Variants in JAK2 observed in about 807,000 individuals in gnomAD.
The protein encoded by JAK2 is Janus kinase 2, also known as tyrosine-protein kinase JAK2.
In JAK2, 86 loss-of-function variants were observed where a neutral mutation model predicts 139.3. That is an observed-to-expected ratio of 0.62 (90% CI 0.52 to 0.74). JAK2 has a LOEUF of 0.74. Among genes scored for constraint, JAK2 ranks in the 30% least tolerant of loss-of-function variants. The probability of loss-of-function intolerance (pLI) is 0.00; values close to 1 mark genes in which losing one functional copy is unlikely to be tolerated. For missense variants in JAK2, 1,421 were observed against 1,360.3 expected (o/e 1.04, Z -0.70); for synonymous variants, 490 against 437.7 (o/e 1.12, Z -1.49).
intron 14 of JAK2, among the ~76,000 whole-genome samples, chr9:5,077,228 T>G (rs988973119): frequency 1.3e-5 from 2 of 150,006 alleles, no homozygotes; most frequent in African/African-American, 4.9e-5. Context: ...TTATGTTATA[T>G]ATAATAATAT....
intron 3 of JAK2, among the ~76,000 whole-genome samples, chr9:5,025,699 A>C (rs185743854): frequency 7.1e-4 from 108 of 151,844 alleles, no homozygotes; most frequent in Non-Finnish European, 8.1e-4. Flanking sequence ...CACCCAGCTA[A>C]TTTTTGTATT....
chr9:5,031,293 G>A (rs1479336315), intron 4 of JAK2, among the ~76,000 whole-genome samples: 4 of 152,114 alleles, frequency 2.6e-5, no homozygotes, highest in Non-Finnish European at 5.9e-5. Flanking sequence ...TTTGTCCCAG[G>A]AGATATTTTC....
chr9:5,059,976 C>T (rs1331986187), intron 8 of JAK2, among the ~76,000 whole-genome samples: 2 of 152,038 alleles, frequency 1.3e-5, no homozygotes, highest in Non-Finnish European at 2.9e-5. Flanking sequence ...AGACATACGT[C>T]AGAGATATTT....
Position 5,081,871 on chromosome 9 carries a change from C to A in JAK2, c.2571+10C>A. Reference sequence around the variant, plus strand: ...ACAGCAACTTGGCAAGGTAAATTGTCAGAATTTTTTCAAATAGAGTATAAT... The same window carrying A: ...ACAGCAACTTGGCAAGGTAAATTGTAAGAATTTTTTCAAATAGAGTATAAT... On this transcript the variant is annotated intron_variant, in intron 19 of 24. Transcript: ENST00000381652. 1.2e-6 allele frequency: 2 copies of A among 1,606,444 alleles called. No individual in the cohort carries two copies. The highest frequency in any genetic ancestry group is 1.1e-5 in the South Asian group (1 of 90,486).
chr9:4,994,047 G>C (rs1037738942), intron 2 of JAK2, among the ~76,000 whole-genome samples: 1 of 152,186 alleles, frequency 6.6e-6, no homozygotes, highest in South Asian at 2.1e-4. Context: ...CTAGCCACTC[G>C]TGACTGAACT....
intron 2 of JAK2, among the ~76,000 whole-genome samples, chr9:5,011,273 A>G (rs1347506937): frequency 6.6e-6 from 1 of 151,708 alleles, no homozygotes; most frequent in Non-Finnish European, 1.5e-5. Context: ...GCAGCCTCAA[A>G]CTCCTGAGCG....
At chr9:5,068,920 G>T in intron 10 of JAK2, 102 bp from the exon 11 acceptor site, 1 of 681,486 alleles carries the variant, frequency 1.5e-6, no homozygotes. Flanking sequence ...TGGTTCAAAT[G>T]TTTATTCTGT....
chr9:5,048,399 C>T (rs1004654328), intron 5 of JAK2, among the ~76,000 whole-genome samples: 2 of 152,140 alleles, frequency 1.3e-5, no homozygotes, highest in African/African-American at 2.4e-5. Flanking sequence ...CCTTGGCCTT[C>T]TAAAGTGCTG....
intron 2 of JAK2, among the ~76,000 whole-genome samples, chr9:4,994,875 AT>A (rs1046719909): frequency 6.6e-6 from 1 of 152,140 alleles, no homozygotes; most frequent in Non-Finnish European, 1.5e-5. Flanking sequence ...AAAATTATCT[AT>A]TTTTTGAACA....
At position 5,090,540 on chromosome 9, in the gene JAK2, A is replaced by G. The variant is rs1159790578; in HGVS notation, c.2856A>G (p.Lys952=). Residue 952 remains lysine, a synonymous_variant, in exon 21 of 25, where the codon AAA becomes AAG. Coordinates refer to ENST00000381652, the MANE Select transcript of JAK2 (RefSeq NM_004972.4). ...QKHKERIDHI[K]LLQYTSQICK... is the part of the protein sequence containing the mutation. ...ATAAAGAACGGATAGATCACATAAA[A>G]CTTCTGCAGTACACATCTCAGATAT... 1 of 1,595,534 alleles carries G rather than the reference A, an allele frequency of 6.3e-7. No homozygotes were observed. Among genetic ancestry groups the G allele is most frequent in the Non-Finnish European group, 8.5e-7 (1 of 1,170,890 alleles).
At chr9:5,044,999 C>G (rs545483468) in intron 5 of JAK2, among the ~76,000 whole-genome samples, 1 of 152,298 alleles carries the variant, frequency 6.6e-6, no homozygotes, top group East Asian at 1.9e-4. Flanking sequence ...GATGTTGATA[C>G]TTAGTCTAAG....
intron 16 of JAK2, among the ~76,000 whole-genome samples, chr9:5,078,979 A>G (rs755348503): frequency 6.6e-6 from 1 of 152,226 alleles, no homozygotes; most frequent in Non-Finnish European, 1.5e-5. Context: ...TTGGGTCTAG[A>G]TAATTATAAC....
At chr9:5,112,451 A>T (rs183058279) in intron 22 of JAK2, 6 of 534,840 alleles carry the variant, frequency 1.1e-5, no homozygotes, top group African/African-American at 9.9e-5. Context: ...GAGAAGAAGG[A>T]GCTGAAGGAC....
At chr9:5,089,905 G>A (rs757692211) in intron 20 of JAK2, 42 bp downstream of exon 20, 1 of 1,330,336 alleles carries the variant, frequency 7.5e-7, no homozygotes. Context: ...CAAGGTATGT[G>A]TTTGGCATCC....
intron 7 of JAK2, among the ~76,000 whole-genome samples, chr9:5,055,313 G>A (rs1186865766): frequency 6.6e-6 from 1 of 151,932 alleles, no homozygotes; most frequent in African/African-American, 2.4e-5. Flanking sequence ...TAATATCCGT[G>A]TTGTTCATAG....
chr9:5,093,782 C>T (rs907369554), intron 22 of JAK2, among the ~76,000 whole-genome samples: 2 of 152,138 alleles, frequency 1.3e-5, no homozygotes, highest in African/African-American at 4.8e-5. Context: ...GGTTTACGAC[C>T]TCGATGTTGG....
chr9:5,120,492 G>T (rs778075085), intron 22 of JAK2, among the ~76,000 whole-genome samples: 1 of 152,122 alleles, frequency 6.6e-6, no homozygotes, highest in East Asian at 1.9e-4. Flanking sequence ...GTTCGAAAAG[G>T]CTCTTTTGTT....
intron 2 of JAK2, among the ~76,000 whole-genome samples, chr9:5,014,004 AT>A (rs1302076000): frequency 1.3e-5 from 2 of 152,092 alleles, no homozygotes; most frequent in Non-Finnish European, 2.9e-5. Context: ...TTACTTCTTC[AT>A]GTATATTTAT....
intron 4 of JAK2, among the ~76,000 whole-genome samples, chr9:5,037,478 C>A (rs941725633): frequency 4.0e-4 from 61 of 152,272 alleles, no homozygotes; most frequent in African/African-American, 1.4e-3. Flanking sequence ...CAATGATAGA[C>A]TGGATTAAGA....
Sources: gnomAD v4.1 joint callset for allele counts (sites outside exome capture counted in the v4.1 genomes callset) on GRCh38, gnomAD v4.1.1 for gene constraint, MANE v1.5 for transcripts, NCBI Gene and HGNC (gene_info 2026-07-23, HGNC 2026-07-21) for gene names.